Variants in ZNF277 observed in about 807,000 individuals in gnomAD.
The protein encoded by ZNF277 is zinc finger protein 277.
Under a neutral mutation model 60.7 loss-of-function variants are expected in ZNF277, and 55 were observed. That is an observed-to-expected ratio of 0.91 (90% CI 0.73 to 1.13). The LOEUF (loss-of-function observed/expected upper bound fraction) is 1.13, where lower values mean the gene tolerates loss of function less well. Ranked by LOEUF, ZNF277 falls within the 50% of genes most tolerant of loss-of-function variation. ZNF277 has a pLI of 0.00. For missense variants in ZNF277, 510 were observed against 523.0 expected (o/e 0.98, Z 0.24); for synonymous variants, 178 against 179.3 (o/e 0.99, Z 0.06).
At chr7:112,254,451 A>G (rs888970793) in intron 1 of ZNF277, among the ~76,000 whole-genome samples, 1 of 152,216 alleles carries the variant, frequency 6.6e-6, no homozygotes, top group African/African-American at 2.4e-5. Context: ...GTAGTAGGCA[A>G]CAACATCACA....
At chr7:112,251,537 T>C (rs1791199982) in intron 1 of ZNF277, among the ~76,000 whole-genome samples, 1 of 152,214 alleles carries the variant, frequency 6.6e-6, no homozygotes, top group African/African-American at 2.4e-5. Flanking sequence ...TAAATTACAC[T>C]GGAAGCTCCT....
At chr7:112,277,236 AC>A (rs1164122695) in intron 1 of ZNF277, among the ~76,000 whole-genome samples, 2 of 151,928 alleles carry the variant, frequency 1.3e-5, no homozygotes, top group Non-Finnish European at 2.9e-5. Flanking sequence ...GGCGCGTGCC[AC>A]CAGCCCGGCT....
At chr7:112,219,140 T>C (rs1821961945) in intron 1 of ZNF277, among the ~76,000 whole-genome samples, 1 of 152,210 alleles carries the variant, frequency 6.6e-6, no homozygotes, top group African/African-American at 2.4e-5. Flanking sequence ...CTCTTGTCTT[T>C]TTGGTAATAG....
At chr7:112,268,107 T>C (rs10276062) in intron 1 of ZNF277, among the ~76,000 whole-genome samples, 8,757 of 152,160 alleles carry the variant, frequency 0.058, 672 homozygotes, top group African/African-American at 0.18. Context: ...AAATACCTCT[T>C]AGTAAGTCAC....
chr7:112,246,249 A>G (rs550726579), intron 1 of ZNF277, among the ~76,000 whole-genome samples: 29 of 152,250 alleles, frequency 1.9e-4, no homozygotes, highest in African/African-American at 7.0e-4. Flanking sequence ...TTAGCCAGGC[A>G]TGATGGTACA....
chr7:112,294,298 A>G (rs1004201641), intron 2 of ZNF277, among the ~76,000 whole-genome samples: 6 of 152,186 alleles, frequency 3.9e-5, no homozygotes, highest in African/African-American at 1.4e-4. Context: ...CTGGCCCAGG[A>G]TGGCTAAGGA....
In ZNF277 at chr7:112,206,792, G is replaced by C; in HGVS notation, c.76G>C (p.Gly26Arg). The part of the protein sequence containing the change: ...DRDGSCSTVG[G>R]VGYGDSKDCI... Reference sequence around the variant, plus strand: ...TGATGGGAGCTGCAGCACAGTCGGGGGTGTAGGTTATGGGGGTGAGTACGG... The same window carrying C: ...TGATGGGAGCTGCAGCACAGTCGGGCGTGTAGGTTATGGGGGTGAGTACGG... The change falls in exon 1 of 12, where the codon GGT (glycine) becomes CGT (arginine). Residue 26 changes from glycine (G) to arginine (R), a missense_variant. By Grantham distance (125) the Gly-to-Arg change is moderately radical. Transcript: ENST00000361822. 4 of 1,613,366 alleles carry C rather than the reference G, an allele frequency of 2.5e-6. No homozygotes were observed. The highest frequency in any genetic ancestry group is 3.4e-6 in the Non-Finnish European group (4 of 1,179,718).
chr7:112,296,912 A>ATTTTATTTTTTTT (rs1792359356), intron 4 of ZNF277, among the ~76,000 whole-genome samples: 1 of 39,658 alleles, frequency 2.5e-5, no homozygotes, highest in Non-Finnish European at 6.6e-5. Context: ...TTATTTATTT[A>ATTTTATTTTTTTT]TTTTTTTTTT....
chr7:112,300,850 A>T (rs1792455963), intron 4 of ZNF277, among the ~76,000 whole-genome samples: 1 of 152,086 alleles, frequency 6.6e-6, no homozygotes, highest in East Asian at 1.9e-4. Context: ...TATTTAATTG[A>T]TTCTTTTTTT....
chr7:112,243,861 G>T (rs10226613), intron 1 of ZNF277, among the ~76,000 whole-genome samples: 5 of 151,942 alleles, frequency 3.3e-5, no homozygotes, highest in Admixed American at 6.6e-5. Flanking sequence ...TATGTTTATC[G>T]CAATGCTATT....
intron 1 of ZNF277, among the ~76,000 whole-genome samples, chr7:112,246,773 A>C (rs1791095956): frequency 6.6e-6 from 1 of 152,212 alleles, no homozygotes; most frequent in African/African-American, 2.4e-5. Context: ...GTGTCCATCC[A>C]AATGCTTGGC....
At chr7:112,319,102 C>T (rs893877402) in intron 5 of ZNF277, among the ~76,000 whole-genome samples, 2 of 151,984 alleles carry the variant, frequency 1.3e-5, no homozygotes. Context: ...AACCAGCAAC[C>T]TACTCTGAGT....
At chr7:112,313,525 A>AT in intron 4 of ZNF277, among the ~76,000 whole-genome samples, 1 of 152,194 alleles carries the variant, frequency 6.6e-6, no homozygotes. Flanking sequence ...AGTAAAAATG[A>AT]TTTTTTAACA....
At chr7:112,251,580 G>A (rs1791200991) in intron 1 of ZNF277, among the ~76,000 whole-genome samples, 1 of 152,156 alleles carries the variant, frequency 6.6e-6, no homozygotes, top group African/African-American at 2.4e-5. Flanking sequence ...CCCCAATGGG[G>A]AAGGATTCTA....
At chr7:112,309,144 A>G (rs978925345) in intron 4 of ZNF277, among the ~76,000 whole-genome samples, 1 of 151,952 alleles carries the variant, frequency 6.6e-6, no homozygotes, top group Non-Finnish European at 1.5e-5. Flanking sequence ...CCAAGGTGCC[A>G]TATTTTGGGG....
intron 1 of ZNF277, among the ~76,000 whole-genome samples, chr7:112,272,669 T>C (rs1401625316): frequency 6.6e-6 from 1 of 152,154 alleles, no homozygotes; most frequent in Non-Finnish European, 1.5e-5. Context: ...AATTTTTGTA[T>C]TTTTAGTAGT....
intron 4 of ZNF277, among the ~76,000 whole-genome samples, chr7:112,313,397 A>C (rs1432042954): frequency 6.6e-6 from 1 of 151,608 alleles, no homozygotes; most frequent in Non-Finnish European, 1.5e-5. Context: ...GTCCCACCTC[A>C]GTCAGCCTCC....
At chr7:112,263,628 G>C (rs1791482812) in intron 1 of ZNF277, among the ~76,000 whole-genome samples, 1 of 152,138 alleles carries the variant, frequency 6.6e-6, no homozygotes, top group South Asian at 2.1e-4. Flanking sequence ...TCACTCCTCA[G>C]TGTTATACAG....
Position 112,340,978 on chromosome 7 carries a change from A to G in ZNF277, c.1116A>G (p.Leu372=). The G allele has an allele frequency of 6.2e-7, 1 of 1,611,434 alleles. No homozygotes were observed. The change falls in exon 11 of 12, where the codon TTA becomes TTG. Residue 372 remains leucine (L), a synonymous_variant. Coordinates refer to ENST00000361822, the MANE Select transcript of ZNF277 (RefSeq NM_021994.3). ...TGAAGTTCAAATCCAAAGCAGACTTAAGAACTCACATGGAAGAAACTAAAC... is the reference window on the plus strand; with the variant it reads ...TGAAGTTCAAATCCAAAGCAGACTTGAGAACTCACATGGAAGAAACTAAAC... The part of the protein sequence containing the change: ...CHVKFKSKAD[L]RTHMEETKHT...
Sources: allele counts gnomAD v4.1 joint callset (sites outside exome capture counted in the v4.1 genomes callset), GRCh38; gene constraint gnomAD v4.1.1; transcripts MANE v1.5; gene names NCBI Gene and HGNC (gene_info 2026-07-23, HGNC 2026-07-21).